The following CAMTA1 variants were observed in gnomAD, a reference collection of about 807,000 sequenced individuals.
The protein encoded by CAMTA1 is calmodulin-binding transcription activator 1.
In CAMTA1, 27 loss-of-function variants were observed where a neutral mutation model predicts 170.9. The observed-to-expected ratio is 0.16, with a 90% CI of 0.12 to 0.22. CAMTA1 has a LOEUF of 0.22. CAMTA1 is among the 10% of genes least tolerant of loss of function. The probability of loss-of-function intolerance (pLI) is 1.00; values close to 1 mark genes in which losing one functional copy is unlikely to be tolerated. For synonymous variants in CAMTA1, 833 were observed against 891.5 expected (o/e 0.93, Z 1.17); for missense variants, 1,619 against 2,217.2 (o/e 0.73, Z 5.42).
At chr1:7,677,946 A>G (rs2096139637) in intron 11 of CAMTA1, among the ~76,000 whole-genome samples, 1 of 152,166 alleles carries the variant, frequency 6.6e-6, no homozygotes, top group South Asian at 2.1e-4. Context: ...CCCACCCTCA[A>G]TCTCAGTCTC....
intron 4 of CAMTA1, among the ~76,000 whole-genome samples, chr1:7,206,352 A>C (rs900839099): frequency 6.6e-6 from 1 of 152,168 alleles, no homozygotes; most frequent in African/African-American, 2.4e-5. Flanking sequence ...TTTAGTTTTG[A>C]AAGGTTTTCT....
At chr1:6,979,275 G>A (rs903179750) in intron 3 of CAMTA1, among the ~76,000 whole-genome samples, 1 of 152,164 alleles carries the variant, frequency 6.6e-6, no homozygotes, top group African/African-American at 2.4e-5. Context: ...GCACAGGGGG[G>A]CTTCCTAGGT....
chr1:7,507,068 C>G (rs752967025), intron 6 of CAMTA1, among the ~76,000 whole-genome samples: 4 of 151,992 alleles, frequency 2.6e-5, no homozygotes, highest in Non-Finnish European at 5.9e-5. Context: ...CACACTTGCT[C>G]TCATATTGAC....
chr1:7,533,574 C>T (rs905954896), intron 6 of CAMTA1, among the ~76,000 whole-genome samples: 11 of 152,248 alleles, frequency 7.2e-5, no homozygotes, highest in Admixed American at 2.0e-4. Context: ...GGGGTGTGGA[C>T]AGTTGGGGTC....
intron 11 of CAMTA1, among the ~76,000 whole-genome samples, chr1:7,718,994 C>T (rs556889955): frequency 3.3e-5 from 5 of 151,964 alleles, no homozygotes; most frequent in African/African-American, 1.2e-4. Flanking sequence ...TGCACTGAAA[C>T]TGTTGAGGCA....
Position 7,696,145 on chromosome 1 carries a change from A to C in CAMTA1, c.2914+18412A>C, listed in dbSNP as rs991658989. Among the ~76,000 whole-genome samples, 3 of 151,926 alleles carry C rather than the reference A, an allele frequency of 2.0e-5. No homozygotes were observed. The East Asian group carries it at 5.8e-4, about 29-fold the overall frequency. On this transcript the variant is annotated intron_variant, in intron 11 of 22. Coordinates refer to ENST00000303635, the MANE Select transcript of CAMTA1 (RefSeq NM_015215.4). The stretch of plus-strand genomic sequence containing the variant: ...TTGACTCCACTGTTGCCTATGAGAG[A>C]GCACACTTGTTTCTCTTTAATTAGA...
rs532640107 is a variant in CAMTA1, at chr1:7,727,153, C to T, written c.2915-5295C>T. On this transcript the variant is annotated intron_variant, in intron 11 of 22. Coordinates refer to ENST00000303635, the MANE Select transcript of CAMTA1 (RefSeq NM_015215.4). ...TTTTTTTTTTTTTGAGACAGAGTCT[C>T]GCTCTGTCGCCTAGGGTGGAGTGCA... Among the ~76,000 whole-genome samples the T allele has an allele frequency of 2.0e-4, 28 of 140,894 alleles. No homozygotes were observed. The South Asian group carries it at 4.2e-3, about 21-fold the overall frequency. 92.4% of individuals were successfully genotyped at this position (140,894 alleles called of 152,430 possible). A position where few individuals can be genotyped will look rare whatever the true frequency, so the allele number is the denominator to read the frequency against.
Position 7,293,171 on chromosome 1 carries a change from C to T in CAMTA1, c.438+43545C>T, listed in dbSNP as rs566523215. On this transcript the variant is annotated intron_variant, in intron 5 of 22. Transcript: ENST00000303635. This position sits in a 1 kb window ranked among gnomAD's most constrained non-coding sequence, Gnocchi z 4.1. ...ACAGGGACGGGGTGGGGCTGCCTTC[C>T]TGGGAAGGGATTGCGCTGCAGAAGC... Among the ~76,000 whole-genome samples, 22 of 152,248 alleles carry T rather than the reference C, an allele frequency of 1.4e-4. No homozygotes were observed. In the South Asian group the frequency reaches 3.7e-3, roughly 26 times the overall value.
At chr1:7,520,692 C>T (rs1575772984) in intron 6 of CAMTA1, among the ~76,000 whole-genome samples, 1 of 152,102 alleles carries the variant, frequency 6.6e-6, no homozygotes, top group East Asian at 1.9e-4. Context: ...GGAACCTTCT[C>T]TCAGCAGTCC....
At chr1:7,135,986 A>G (rs1645519786) in intron 4 of CAMTA1, among the ~76,000 whole-genome samples, 2 of 152,176 alleles carry the variant, frequency 1.3e-5, no homozygotes, top group Non-Finnish European at 2.9e-5. Flanking sequence ...GTTCAAAGCC[A>G]ACTTTTTACT....
intron 3 of CAMTA1, among the ~76,000 whole-genome samples, chr1:6,982,814 T>G (rs1481218970): frequency 5.2e-5 from 7 of 133,748 alleles, no homozygotes; most frequent in Non-Finnish European, 6.4e-5. Context: ...CGTAGAGGGG[T>G]GGGGAGGGGT....
chr1:7,094,767 G>A (rs940419672), intron 4 of CAMTA1, among the ~76,000 whole-genome samples: 1 of 152,130 alleles, frequency 6.6e-6, no homozygotes, highest in Non-Finnish European at 1.5e-5. Context: ...AATGCTGAAC[G>A]TTCAAACAGC....
intron 4 of CAMTA1, among the ~76,000 whole-genome samples, chr1:7,151,566 G>A (rs1646581364): frequency 6.6e-6 from 1 of 152,168 alleles, no homozygotes; most frequent in Admixed American, 6.5e-5. Context: ...TCTAAGCCCT[G>A]CAACCCTGAG....
At chr1:6,816,000 T>C (rs1303844770) in intron 1 of CAMTA1, among the ~76,000 whole-genome samples, 2 of 152,174 alleles carry the variant, frequency 1.3e-5, no homozygotes, top group Admixed American at 1.3e-4. Context: ...CAACCTTGGA[T>C]ACATCTTGGG....
At chr1:7,397,279 AGTT>A (rs949739916) in intron 5 of CAMTA1, among the ~76,000 whole-genome samples, 21 of 152,200 alleles carry the variant, frequency 1.4e-4, no homozygotes, top group Admixed American at 1.3e-3. Context: ...GTTGCCATAT[AGTT>A]GTTCATAATA....
At chr1:7,230,446 C>A (rs1167042118) in intron 4 of CAMTA1, among the ~76,000 whole-genome samples, 2 of 76,410 alleles carry the variant, frequency 2.6e-5, no homozygotes, top group East Asian at 3.7e-4. Flanking sequence ...CCCCCCCCCG[C>A]CCCGCAAAGC....
At chr1:7,587,824 G>C (rs879905622) in intron 6 of CAMTA1, among the ~76,000 whole-genome samples, 11 of 152,066 alleles carry the variant, frequency 7.2e-5, no homozygotes, top group Non-Finnish European at 1.2e-4. Context: ...CCCATGGGAG[G>C]GTCATGGGGA....
intron 8 of CAMTA1, among the ~76,000 whole-genome samples, chr1:7,662,072 C>G (rs565767852): frequency 6.6e-6 from 1 of 152,248 alleles, no homozygotes; most frequent in Admixed American, 6.5e-5. Context: ...GCTGGCAGTC[C>G]GCTCTGGGCA....
intron 10 of CAMTA1, 24 bp downstream of exon 10, chr1:7,671,061 C>T: frequency 6.2e-7 from 1 of 1,611,430 alleles, no homozygotes; most frequent in Non-Finnish European, 8.5e-7. Flanking sequence ...CCCCCAGGCC[C>T]CCAAGGTGAG....
Sources: allele counts gnomAD v4.1 joint callset (sites outside exome capture counted in the v4.1 genomes callset), GRCh38; gene constraint gnomAD v4.1.1; non-coding constraint Gnocchi (gnomAD v3.1); transcripts MANE v1.5; gene names NCBI Gene and HGNC (gene_info 2026-07-23, HGNC 2026-07-21).